Variants in THSD4 observed in about 807,000 individuals in gnomAD.
THSD4 encodes the protein thrombospondin type 1 domain containing 4.
Under a neutral mutation model 119.0 loss-of-function variants are expected in THSD4, and 69 were observed. The observed-to-expected ratio is 0.58, with a 90% CI of 0.48 to 0.71. THSD4 has a LOEUF of 0.71. Ranked by LOEUF, THSD4 falls within the 30% of genes least tolerant of loss-of-function variation. THSD4 has a pLI of 0.00. For synonymous variants in THSD4, 524 were observed against 540.4 expected, an observed-to-expected ratio of 0.97 and a Z score of 0.42; for missense variants, 1,393 against 1,391.1, an observed-to-expected ratio of 1.00 and a Z score of -0.02.
intron 6 of THSD4, among the ~76,000 whole-genome samples, chr15:71,372,854 A>G (rs1346789495): frequency 6.6e-6 from 1 of 152,228 alleles, no homozygotes; most frequent in Non-Finnish European, 1.5e-5. Context: ...CCTTTTGTTC[A>G]GCTATGCCCT....
At chr15:71,578,570 C>T (rs2049498800) in intron 7 of THSD4, among the ~76,000 whole-genome samples, 1 of 151,924 alleles carries the variant, frequency 6.6e-6, no homozygotes, top group Non-Finnish European at 1.5e-5. Flanking sequence ...CTCCTGAGCT[C>T]AGGCAATCCA....
At chr15:71,350,463 G>T (rs1303136053) in intron 6 of THSD4, among the ~76,000 whole-genome samples, 2 of 152,126 alleles carry the variant, frequency 1.3e-5, no homozygotes, top group African/African-American at 4.8e-5. Context: ...ACCTGGGGCT[G>T]CCAGTGACCG....
chr15:71,281,809 C>T (rs72759669), intron 6 of THSD4, among the ~76,000 whole-genome samples: 27,767 of 152,144 alleles, frequency 0.18, 2,772 homozygotes, highest in Admixed American at 0.31. Flanking sequence ...GGTTTTTTAC[C>T]ATGAGGAATT....
rs752049769 is a variant in THSD4, at chr15:71,443,038, A to G, written c.1152+31215A>G. Among the ~76,000 whole-genome samples, 9 of 152,204 alleles carry G rather than the reference A, an allele frequency of 5.9e-5. 1 individual carries two copies. The South Asian group carries it at 1.9e-3, about 32-fold the overall frequency. On this transcript the variant is annotated intron_variant, in intron 7 of 17. Transcript: ENST00000261862. ...GTACTTAAGAAATGTTGAAAGAATT[A>G]TGAATACACTAAAAATACAAGAGAA... is the stretch of plus-strand genomic sequence containing the variant.
At chr15:71,720,518 A>G (rs1189484808) in intron 8 of THSD4, among the ~76,000 whole-genome samples, 1 of 152,262 alleles carries the variant, frequency 6.6e-6, no homozygotes, top group Non-Finnish European at 1.5e-5. Context: ...ACAGTCCTGC[A>G]TACTATTATG....
intron 4 of THSD4, among the ~76,000 whole-genome samples, chr15:71,236,136 C>T (rs1220265083): frequency 6.6e-6 from 1 of 152,082 alleles, no homozygotes; most frequent in Non-Finnish European, 1.5e-5. Context: ...AGGCAGGGCC[C>T]CTCAAAGGAA....
At chr15:71,139,534 G>A (rs2040582166) in intron 1 of THSD4, among the ~76,000 whole-genome samples, 1 of 152,146 alleles carries the variant, frequency 6.6e-6, no homozygotes. Flanking sequence ...TTCTGACTGA[G>A]AGCCAAGAAT....
chr15:71,235,859 G>A (rs1014389715), intron 4 of THSD4, among the ~76,000 whole-genome samples: 1 of 152,076 alleles, frequency 6.6e-6, no homozygotes, highest in African/African-American at 2.4e-5. Context: ...CGAAAGTGCT[G>A]GGATTACGGG....
chr15:71,507,944 G>A (rs1420439769), intron 7 of THSD4, among the ~76,000 whole-genome samples: 1 of 152,160 alleles, frequency 6.6e-6, no homozygotes, highest in East Asian at 1.9e-4. Context: ...TTCTCCTGCA[G>A]TTAGGGAATA....
At chr15:71,498,963 C>G (rs1296067741) in intron 7 of THSD4, among the ~76,000 whole-genome samples, 1 of 151,636 alleles carries the variant, frequency 6.6e-6, no homozygotes, top group African/African-American at 2.4e-5. Flanking sequence ...CCTTGACCTC[C>G]TAAAGTGCTG....
chr15:71,512,482 T>A (rs2140761196), intron 7 of THSD4, among the ~76,000 whole-genome samples: 1 of 152,304 alleles, frequency 6.6e-6, no homozygotes, highest in South Asian at 2.1e-4. Context: ...GTTCAAATAT[T>A]TCCCACTGCT....
intron 8 of THSD4, among the ~76,000 whole-genome samples, chr15:71,672,093 A>G (rs1482088754): frequency 6.6e-6 from 1 of 152,084 alleles, no homozygotes; most frequent in Non-Finnish European, 1.5e-5. Context: ...CCATTTTCAC[A>G]ATATTGATTC....
intron 8 of THSD4, among the ~76,000 whole-genome samples, chr15:71,678,655 T>G (rs929232793): frequency 6.6e-6 from 1 of 152,196 alleles, no homozygotes; most frequent in African/African-American, 2.4e-5. Context: ...TGAACCGCCT[T>G]TATTAGCTTT....
chr15:71,762,807 G>A (rs1165236683), intron 15 of THSD4, among the ~76,000 whole-genome samples: 1 of 152,136 alleles, frequency 6.6e-6, no homozygotes, highest in South Asian at 2.1e-4. Flanking sequence ...AGTGGCTCAC[G>A]CCTATAATCC....
chr15:71,296,862 C>T (rs1185168352), intron 6 of THSD4, among the ~76,000 whole-genome samples: 2 of 152,242 alleles, frequency 1.3e-5, no homozygotes, highest in Admixed American at 6.5e-5. Flanking sequence ...TTAATTGCTC[C>T]GAGCCTCTGT....
chr15:71,200,896 G>A (rs10468048), intron 3 of THSD4, among the ~76,000 whole-genome samples: 26 of 152,216 alleles, frequency 1.7e-4, no homozygotes, highest in East Asian at 1.2e-3. Flanking sequence ...CATGTCTCGC[G>A]AGCAGCCGCC....
chr15:71,434,265 C>G (rs1425905614), intron 7 of THSD4, among the ~76,000 whole-genome samples: 2 of 152,038 alleles, frequency 1.3e-5, no homozygotes, highest in African/African-American at 4.8e-5. Flanking sequence ...TACACATATG[C>G]ATACATGTAA....
rs142105598 is a variant in THSD4, at chr15:71,545,352, C to T, written c.1153-115178C>T. On this transcript the variant is annotated intron_variant, in intron 7 of 17. Coordinates refer to ENST00000261862, the MANE Select transcript of THSD4 (RefSeq NM_024817.3). Reference sequence around the variant, plus strand: ...AAGGGTGATTGAGAAGTGTCTAGACCAGGGGCTGGCAAACTACTGTCAAAT... The same window carrying T: ...AAGGGTGATTGAGAAGTGTCTAGACTAGGGGCTGGCAAACTACTGTCAAAT... 2.2e-3 allele frequency among the ~76,000 whole-genome samples: 338 copies of T among 152,222 alleles called. 1 individual carries two copies. The Middle Eastern group carries it at 0.027, about 12-fold the overall frequency.
intron 7 of THSD4, among the ~76,000 whole-genome samples, chr15:71,507,801 T>C (rs2048213763): frequency 6.6e-6 from 1 of 152,160 alleles, no homozygotes; most frequent in African/African-American, 2.4e-5. Context: ...GCCCTCCCCA[T>C]GGAAGCAGGA....
Sources: gnomAD v4.1 joint callset for allele counts (sites outside exome capture counted in the v4.1 genomes callset) on GRCh38, gnomAD v4.1.1 for gene constraint, MANE v1.5 for transcripts, NCBI Gene and HGNC (gene_info 2026-07-23, HGNC 2026-07-21) for gene names.